The following SCAP variants were observed in gnomAD, a reference collection of about 807,000 sequenced individuals.
SCAP encodes the protein SREBF chaperone.
In SCAP, 65 loss-of-function variants were observed where a neutral mutation model predicts 123.6. That is an observed-to-expected ratio of 0.53 (90% CI 0.43 to 0.65). The LOEUF is 0.65. SCAP is among the 30% of genes least tolerant of loss of function. The probability of loss-of-function intolerance (pLI) is 0.00; values close to 1 mark genes in which losing one functional copy is unlikely to be tolerated. For synonymous variants in SCAP, 740 were observed against 726.3 expected (o/e 1.02, Z -0.30); for missense variants, 1,398 against 1,712.5 (o/e 0.82, Z 3.24).
At chr3:47,461,065 G>A (rs992365142) in intron 1 of SCAP, among the ~76,000 whole-genome samples, 4 of 152,078 alleles carry the variant, frequency 2.6e-5, no homozygotes, top group African/African-American at 9.7e-5. Flanking sequence ...TCTCCCAGGA[G>A]AGCCTCCCCT....
At chr3:47,465,168 CTTTTT>C (rs796601479) in intron 1 of SCAP, among the ~76,000 whole-genome samples, 1 of 145,858 alleles carries the variant, frequency 6.9e-6, no homozygotes, top group Admixed American at 6.9e-5. Flanking sequence ...AGATGATATT[CTTTTT>C]TTTTTTTCTT....
At chr3:47,473,677 C>A (rs1708156323) in intron 1 of SCAP, among the ~76,000 whole-genome samples, 1 of 152,224 alleles carries the variant, frequency 6.6e-6, no homozygotes, top group Non-Finnish European at 1.5e-5. Context: ...CCCTGAGGCA[C>A]ATTCACATGC....
At chr3:47,425,426 T>G in intron 8 of SCAP, 59 bp downstream of exon 8, 1 of 1,558,798 alleles carries the variant, frequency 6.4e-7, no homozygotes, top group Non-Finnish European at 8.7e-7. Context: ...AACCCAGAAG[T>G]GCAAGGCTCT....
chr3:47,422,416 C>T (rs1244418007), intron 10 of SCAP, 26 bp downstream of exon 10: 1 of 1,602,050 alleles, frequency 6.2e-7, no homozygotes, highest in African/African-American at 1.3e-5. Context: ...CCATGCTCAT[C>T]CAGGTGGCAG....
At position 47,417,198 on chromosome 3, in the gene SCAP, C is replaced by T. The variant is rs765981772; in HGVS notation, c.2980G>A (p.Ala994Thr). The part of the protein sequence containing the change: ...RSSGRLEVWD[A>T]IEGVLCCSSE... ...CTGCAGCACAGCACCCCTTCAATGG[C>T]GTCCCACACCTACGAGTCCAGAGGC... Residue 994 changes from alanine to threonine, a missense_variant, in exon 18 of 23, where the codon GCC becomes ACC. Coordinates refer to ENST00000265565, the MANE Select transcript of SCAP (RefSeq NM_012235.4). 27 of 1,612,888 alleles carry T rather than the reference C, an allele frequency of 1.7e-5. No homozygotes were observed. The highest frequency in any genetic ancestry group is 5.0e-5 in the Admixed American group (3 of 59,998).
At chr3:47,415,623 G>T (rs1453568195) in intron 18 of SCAP, among the ~76,000 whole-genome samples, 1 of 152,140 alleles carries the variant, frequency 6.6e-6, no homozygotes, top group African/African-American at 2.4e-5. Context: ...CCCAAGCACA[G>T]CTCACATCAA....
chr3:47,465,939 CT>C (rs1707809343), intron 1 of SCAP, among the ~76,000 whole-genome samples: 1 of 151,676 alleles, frequency 6.6e-6, no homozygotes, highest in Non-Finnish European at 1.5e-5. Flanking sequence ...TCGAGACCAT[CT>C]TGGCCAACAT....
chr3:47,441,327 G>C (rs567146049), intron 2 of SCAP, among the ~76,000 whole-genome samples: 19 of 152,160 alleles, frequency 1.2e-4, no homozygotes, highest in Non-Finnish European at 2.6e-4. Context: ...AAACAGCCAA[G>C]TGTGGTGGCG....
At chr3:47,424,122 G>A (rs1706024209) in intron 8 of SCAP, 77 bp from the exon 9 acceptor site, 2 of 1,113,040 alleles carry the variant, frequency 1.8e-6, no homozygotes, top group East Asian at 4.9e-5. Flanking sequence ...GAAGGCTGTG[G>A]GGTTTCCAGC....
intron 1 of SCAP, among the ~76,000 whole-genome samples, chr3:47,467,674 T>C (rs1048355637): frequency 2.0e-5 from 3 of 151,898 alleles, no homozygotes; most frequent in Non-Finnish European, 2.9e-5. Flanking sequence ...AATCAACATA[T>C]GAAAAATTGC....
rs765477644 is a variant in SCAP at position 47,419,547 on chromosome 3, T to G, written c.1721A>C (p.Asp574Ala). Reference protein sequence around the residue: ...PSGMLPPSHPDPAFSIFPPDA... With the variant: ...PSGMLPPSHPAPAFSIFPPDA... ...AGGTGGGAAGATGGAGAAGGCAGGG[T>G]CCGGGTGGCTGGGGGGCAGCATGCC... Residue 574 changes from aspartate to alanine, a missense_variant, in exon 13 of 23, where the codon GAC becomes GCC. Physicochemically the swap from Asp to Ala is moderately radical, Grantham distance 126 (BLOSUM62 -2). Coordinates refer to ENST00000265565, the MANE Select transcript of SCAP (RefSeq NM_012235.4). The surrounding 1 kb of genome is among the most constrained non-coding windows in gnomAD (Gnocchi z 5.0). 1.2e-6 allele frequency: 2 copies of G among 1,613,236 alleles called. No homozygotes were observed. Among genetic ancestry groups the G allele is most frequent in the Admixed American group, 3.3e-5 (2 of 59,974 alleles).
At chr3:47,424,183 C>T (rs940965971) in intron 8 of SCAP, 138 bp from the exon 9 acceptor site, 12 of 650,232 alleles carry the variant, frequency 1.8e-5, no homozygotes, top group Non-Finnish European at 2.8e-5. Context: ...CAGAAACCCT[C>T]CCTTGTCCAC....
chr3:47,422,439 T>C lies in SCAP; in HGVS notation c.1245+3A>G. ...ATCCAGGTGGCAGGCCTTGGGGCCTTACCTGGATGGCGGGCACTAGGGTGA... is the reference window on the plus strand; with the variant it reads ...ATCCAGGTGGCAGGCCTTGGGGCCTCACCTGGATGGCGGGCACTAGGGTGA... On this transcript the variant is annotated splice_donor_region_variant and intron_variant, in intron 10 of 22. Coordinates refer to ENST00000265565, the MANE Select transcript of SCAP (RefSeq NM_012235.4). 1 of 1,612,830 alleles carries C rather than the reference T, an allele frequency of 6.2e-7. No individual in the cohort carries two copies. Among genetic ancestry groups the C allele is most frequent in the Non-Finnish European group, 8.5e-7 (1 of 1,179,328 alleles).
At chr3:47,455,671 A>G (rs1707398065) in intron 1 of SCAP, among the ~76,000 whole-genome samples, 1 of 152,110 alleles carries the variant, frequency 6.6e-6, no homozygotes, top group African/African-American at 2.4e-5. Flanking sequence ...ACTTCAACAA[A>G]AAGAAAAACA....
chr3:47,443,270 ACACACACT>A (rs1330715318), intron 1 of SCAP, 179 bp from the exon 2 acceptor site: 6,919 of 113,854 alleles, frequency 0.061, 105 homozygotes, highest in Non-Finnish European at 0.078. Flanking sequence ...ACACACACAC[ACACACACT>A]CTCTCTCTCT....
chr3:47,425,555 CTG>C lies in SCAP; in HGVS notation c.965_966del (p.Thr322SerfsTer106), dbSNP rs1384054543. 6.2e-7 allele frequency: 1 copy of C among 1,614,138 alleles called. No individual in the cohort carries two copies. The highest frequency in any genetic ancestry group is 8.5e-7 in the Non-Finnish European group (1 of 1,180,042). On this transcript the variant is annotated frameshift_variant, in exon 8 of 23. Coordinates refer to ENST00000265565, the MANE Select transcript of SCAP (RefSeq NM_012235.4). LOFTEE classifies it high-confidence loss of function. ...ACAGACATGAGCAGCGAGCTGAGCA[CTG>C]TGACCACGGCAGCCAGGGCCAGCCC... is the stretch of plus-strand genomic sequence containing the variant. ...KWGLALAAVVTVLSSLLMSVG... is the reference protein window; with the variant it reads ...KWGLALAAVVXVLSSLLMSVG...
At chr3:47,459,914 G>A (rs187182640) in intron 1 of SCAP, among the ~76,000 whole-genome samples, 7 of 152,222 alleles carry the variant, frequency 4.6e-5, no homozygotes, top group South Asian at 2.1e-4. Context: ...TATCTCAACC[G>A]CATAAGACAG....
intron 1 of SCAP, among the ~76,000 whole-genome samples, chr3:47,457,693 G>A (rs1395999680): frequency 6.6e-6 from 1 of 150,980 alleles, no homozygotes; most frequent in Non-Finnish European, 1.5e-5. Context: ...GGGTCACGAG[G>A]TCAGGAGATC....
rs762424330 is a variant in SCAP, at chr3:47,460,480, G to A, written c.-99+15319C>T. The stretch of plus-strand genomic sequence containing the variant: ...TCTTCACCATTTATGTTCCTCTGCC[G>A]CGGCTCCAGCCAGTCCCTCCGTTCG... On this transcript the variant is annotated intron_variant, in intron 1 of 22. Coordinates refer to ENST00000265565, the MANE Select transcript of SCAP (RefSeq NM_012235.4). Among the ~76,000 whole-genome samples the A allele has an allele frequency of 7.9e-5, 12 of 152,144 alleles. No homozygotes were observed. In the South Asian group the frequency reaches 8.3e-4, roughly 11 times the overall value.
Sources: allele counts gnomAD v4.1 joint callset (sites outside exome capture counted in the v4.1 genomes callset), GRCh38; gene constraint gnomAD v4.1.1; non-coding constraint Gnocchi (gnomAD v3.1); transcripts MANE v1.5; gene names NCBI Gene and HGNC (gene_info 2026-07-23, HGNC 2026-07-21).